The following ADAMTS9 variants were observed in gnomAD, a reference collection of about 807,000 sequenced individuals.
ADAMTS9 encodes A disintegrin and metalloproteinase with thrombospondin motifs 9.
In ADAMTS9, 107 loss-of-function variants were observed where a neutral mutation model predicts 257.1. The observed-to-expected ratio is 0.42, with a 90% CI of 0.36 to 0.49. The LOEUF is 0.49. Ranked by LOEUF, ADAMTS9 falls within the 20% of genes least tolerant of loss-of-function variation. ADAMTS9 has a pLI of 0.03. For synonymous variants in ADAMTS9, 982 were observed against 880.9 expected, an observed-to-expected ratio of 1.11 and a Z score of -2.03; for missense variants, 2,353 against 2,469.1, an observed-to-expected ratio of 0.95 and a Z score of 1.00.
intron 30 of ADAMTS9, among the ~76,000 whole-genome samples, chr3:64,560,528 C>T (rs2083402096): frequency 6.6e-6 from 1 of 152,148 alleles, no homozygotes; most frequent in South Asian, 2.1e-4. Flanking sequence ...TGAAGTCTTG[C>T]TTCTTCCACT....
chr3:64,542,943 A>G (rs9799081), intron 32 of ADAMTS9, among the ~76,000 whole-genome samples: 133,157 of 151,798 alleles, frequency 0.88, 59,352 homozygotes, highest in Non-Finnish European at 0.97. Context: ...TATCACCACC[A>G]ATCCCACAGA....
chr3:64,615,826 TG>T, intron 20 of ADAMTS9, 133 bp downstream of exon 20: 1 of 1,051,672 alleles, frequency 9.5e-7, no homozygotes, highest in Non-Finnish European at 1.4e-6. Flanking sequence ...AAAGCTTGAA[TG>T]GGGTCAGGCA....
Position 64,687,501 on chromosome 3 carries a change from G to A in ADAMTS9, c.115+42C>T, listed in dbSNP as rs1370984700. 1.4e-6 allele frequency: 2 copies of A among 1,457,682 alleles called. No individual in the cohort carries two copies. Among genetic ancestry groups the A allele is most frequent in the Non-Finnish European group, 1.8e-6 (2 of 1,086,468 alleles). 90.3% of individuals were successfully genotyped at this position (1,457,682 alleles called of 1,614,324 possible). A position where few individuals can be genotyped will look rare whatever the true frequency, so the allele number is the denominator to read the frequency against. On this transcript the variant is annotated intron_variant, in intron 1 of 39. Coordinates refer to ENST00000498707, the MANE Select transcript of ADAMTS9 (RefSeq NM_182920.2). The surrounding 1 kb of genome is among the most constrained non-coding windows in gnomAD (Gnocchi z 4.4). ...GCCCAGGAGCGAGGACCGGGAGGCG[G>A]CGTCGGGGCCGGCGGGGTCCCGGGG...
At chr3:64,641,020 G>C (rs1458465707) in intron 12 of ADAMTS9, among the ~76,000 whole-genome samples, 2 of 152,052 alleles carry the variant, frequency 1.3e-5, no homozygotes, top group African/African-American at 2.4e-5. Flanking sequence ...GACCTCAGCT[G>C]TCTCACCTGT....
intron 20 of ADAMTS9, among the ~76,000 whole-genome samples, chr3:64,615,721 C>G (rs960682402): frequency 3.9e-5 from 6 of 152,088 alleles, no homozygotes; most frequent in African/African-American, 1.4e-4. Context: ...GTAGAGTATG[C>G]AAAAGAAATC....
rs370095936 is a variant in ADAMTS9 at position 64,687,506 on chromosome 3, G to C, written c.115+37C>G. The C allele has an allele frequency of 4.9e-5, 73 of 1,476,400 alleles. No homozygotes were observed. In the East Asian group the frequency reaches 1.2e-3, roughly 24 times the overall value. 91.5% of individuals were successfully genotyped at this position (1,476,400 alleles called of 1,614,324 possible). On this transcript the variant is annotated intron_variant, in intron 1 of 39. Transcript: ENST00000498707. This position sits in a 1 kb window ranked among gnomAD's most constrained non-coding sequence, Gnocchi z 4.4. Reference sequence around the variant, plus strand: ...GGAGCGAGGACCGGGAGGCGGCGTCGGGGCCGGCGGGGTCCCGGGGGCCGG... The same window carrying C: ...GGAGCGAGGACCGGGAGGCGGCGTCCGGGCCGGCGGGGTCCCGGGGGCCGG...
intron 38 of ADAMTS9, among the ~76,000 whole-genome samples, chr3:64,525,700 T>C (rs1330593321): frequency 6.6e-6 from 1 of 151,844 alleles, no homozygotes; most frequent in Non-Finnish European, 1.5e-5. Flanking sequence ...AACCTCCACC[T>C]CCCGGGTTCA....
At chr3:64,660,825 A>G (rs1701203561) in intron 3 of ADAMTS9, among the ~76,000 whole-genome samples, 1 of 152,206 alleles carries the variant, frequency 6.6e-6, no homozygotes, top group Non-Finnish European at 1.5e-5. Flanking sequence ...CAAAGAAAAA[A>G]AAACGTTGCA....
rs964495888 is a variant in ADAMTS9 at position 64,552,634 on chromosome 3, G to A, written c.4699-1572C>T. Among the ~76,000 whole-genome samples, 6 of 148,866 alleles carry A rather than the reference G, an allele frequency of 4.0e-5. No homozygotes were observed. The East Asian group carries it at 1.0e-3, about 25-fold the overall frequency. ...GTTGCTCATGTTGGAGTGCAGTGAT[G>A]TGATCACAGTTTGCTATAGCCTCGA... On this transcript the variant is annotated intron_variant, in intron 30 of 39. Coordinates refer to ENST00000498707, the MANE Select transcript of ADAMTS9 (RefSeq NM_182920.2).
At chr3:64,580,443 G>A (rs1039388886) in intron 28 of ADAMTS9, among the ~76,000 whole-genome samples, 5 of 152,134 alleles carry the variant, frequency 3.3e-5, no homozygotes, top group East Asian at 1.9e-4. Flanking sequence ...CAGTCCCCAC[G>A]AAGTCTAACT....
Position 64,604,040 on chromosome 3 carries a change from C to T in ADAMTS9, c.3629G>A (p.Arg1210Gln), listed in dbSNP as rs745650058. The change falls in exon 25 of 40, where the codon CGA (arginine) becomes CAA (glutamine). Residue 1210 changes from arginine to glutamine, a missense_variant. Physicochemically the swap from Arg to Gln is conservative, Grantham distance 43. Around this residue, in one of 3 missense-constraint regions of ADAMTS9, gnomAD observed 1,402 missense variants for 1,441.4 expected, o/e 0.97. Coordinates refer to ENST00000498707, the MANE Select transcript of ADAMTS9 (RefSeq NM_182920.2). ...KGTRMRYVSC[R>Q]DENGSVADES... ...GTCAGCCACAGAGCCATTCTCATCTCGGCAGCTGACGTATCTCATCCGGGT... is the reference window on the plus strand; with the variant it reads ...GTCAGCCACAGAGCCATTCTCATCTTGGCAGCTGACGTATCTCATCCGGGT... 4.3e-6 allele frequency: 7 copies of T among 1,614,112 alleles called. No homozygotes were observed. Among genetic ancestry groups the T allele is most frequent in the South Asian group, 1.1e-5 (1 of 91,078 alleles).
chr3:64,671,265 A>G (rs1701478255), intron 3 of ADAMTS9, among the ~76,000 whole-genome samples: 1 of 152,204 alleles, frequency 6.6e-6, no homozygotes, highest in Non-Finnish European at 1.5e-5. Flanking sequence ...CTTAGTGATT[A>G]TTTATATATT....
chr3:64,546,801 T>C lies in ADAMTS9; in HGVS notation c.5021A>G (p.Asp1674Gly), dbSNP rs2083205876. Residue 1674 changes from aspartate to glycine, a missense_variant, in exon 32 of 40, where the codon GAC (aspartate) becomes GGC (glycine). Asp to Gly is a moderately conservative substitution (Grantham distance 94). This residue lies in a region of ADAMTS9 where 1,402 missense variants were observed against 1,441.4 expected (regional missense o/e 0.97). Coordinates refer to ENST00000498707, the MANE Select transcript of ADAMTS9 (RefSeq NM_182920.2). ...TCTCCAGGTGGCCGAGACAGGGCAG[T>C]CCCTCAGGTAACAGGGGTGAACACT... ...PPSVHPCYLR[D>G]CPVSATWRVG... is the part of the protein sequence containing the mutation. The C allele has an allele frequency of 6.2e-7, 1 of 1,613,198 alleles. No individual in the cohort carries two copies. The highest frequency in any genetic ancestry group is 8.5e-7 in the Non-Finnish European group (1 of 1,179,560).
intron 16 of ADAMTS9, among the ~76,000 whole-genome samples, chr3:64,627,784 C>G (rs1339686285): frequency 6.6e-6 from 1 of 152,030 alleles, no homozygotes. Context: ...TCCTAGAATA[C>G]ACAGAAAAGT....
intron 19 of ADAMTS9, among the ~76,000 whole-genome samples, chr3:64,619,607 G>A (rs931786193): frequency 6.6e-6 from 1 of 152,028 alleles, no homozygotes; most frequent in African/African-American, 2.4e-5. Flanking sequence ...ATATTAACAG[G>A]ATAATAGATA....
At chr3:64,633,128 T>A (rs543940133) in intron 14 of ADAMTS9, among the ~76,000 whole-genome samples, 1 of 152,212 alleles carries the variant, frequency 6.6e-6, no homozygotes, top group Admixed American at 6.5e-5. Flanking sequence ...AAAAATTTGC[T>A]GTCAGGAAGC....
intron 3 of ADAMTS9, among the ~76,000 whole-genome samples, chr3:64,670,270 G>A (rs1264779571): frequency 6.6e-6 from 1 of 152,154 alleles, no homozygotes; most frequent in Admixed American, 6.5e-5. Context: ...TTTCACCCCT[G>A]AGCTAAGACA....
chr3:64,630,444 G>C (rs1187858676), intron 16 of ADAMTS9, among the ~76,000 whole-genome samples: 1 of 152,198 alleles, frequency 6.6e-6, no homozygotes, highest in Non-Finnish European at 1.5e-5. Context: ...GCTGTGCATA[G>C]TGGTGAGTGC....
At chr3:64,627,394 A>G (rs964049268) in intron 16 of ADAMTS9, among the ~76,000 whole-genome samples, 13 of 152,132 alleles carry the variant, frequency 8.5e-5, no homozygotes, top group Non-Finnish European at 1.5e-4. Flanking sequence ...TGAAAAAAAA[A>G]AATCCTATTT....
Sources: gnomAD v4.1 joint callset for allele counts (sites outside exome capture counted in the v4.1 genomes callset) on GRCh38, gnomAD v4.1.1 for gene constraint, gnomAD v4.1.1 regional missense constraint, Gnocchi (gnomAD v3.1) non-coding constraint, MANE v1.5 for transcripts, NCBI Gene and HGNC (gene_info 2026-07-23, HGNC 2026-07-21) for gene names.